ARSG: variants seen among roughly 807,000 people sequenced by gnomAD.
The protein encoded by ARSG is ASG.
In ARSG, 37 loss-of-function variants were observed where a neutral mutation model predicts 50.5. The ratio of observed to expected loss-of-function variants is 0.73; its 90% CI spans 0.56 to 0.96. The LOEUF is 0.96. Among genes scored for constraint, ARSG ranks in the 50% least tolerant of loss-of-function variants. The pLI, the probability that ARSG is intolerant of heterozygous loss-of-function variation, is 0.00. For synonymous variants in ARSG, 225 were observed against 254.6 expected (o/e 0.88, Z 1.11); for missense variants, 629 against 675.3 (o/e 0.93, Z 0.76).
intron 11 of ARSG, among the ~76,000 whole-genome samples, chr17:68,407,909 G>C (rs930683598): frequency 3.9e-5 from 6 of 151,922 alleles, no homozygotes; most frequent in Middle Eastern, 3.4e-3. Context: ...CCAGTAGTAT[G>C]TTGAAGAGGA....
At chr17:68,315,687 C>A (rs1172431964) in intron 2 of ARSG, among the ~76,000 whole-genome samples, 1 of 152,074 alleles carries the variant, frequency 6.6e-6, no homozygotes, top group Non-Finnish European at 1.5e-5. Context: ...GGCTGGAGTG[C>A]AGTGGCGCGA....
At chr17:68,288,622 T>TA (rs2075896913), upstream of ARSG, among the ~76,000 whole-genome samples, 1 of 152,148 alleles carries the variant, frequency 6.6e-6, no homozygotes, top group African/African-American at 2.4e-5. Flanking sequence ...AAGGTAAATG[T>TA]AAAAAAGGGA....
chr17:68,308,452 T>C (rs2076694586), intron 2 of ARSG, among the ~76,000 whole-genome samples: 1 of 152,068 alleles, frequency 6.6e-6, no homozygotes, highest in Admixed American at 6.6e-5. Context: ...CTGGAGTTGT[T>C]CGTTCCTCCC....
intron 1 of ARSG, among the ~76,000 whole-genome samples, chr17:68,278,904 G>A (rs1415550885): frequency 6.6e-6 from 1 of 152,116 alleles, no homozygotes; most frequent in Non-Finnish European, 1.5e-5. Context: ...ATAGGCATGA[G>A]CCACCACACC....
chr17:68,351,627 T>C lies in ARSG; in HGVS notation c.507T>C (p.Asp169=), dbSNP rs201163789. The change falls in exon 5 of 12, where the codon GAT becomes GAC. Residue 169 remains aspartate (D), a synonymous_variant. Transcript: ENST00000621439. The part of the protein sequence containing the change: ...IPYSHDMGCT[D]TPGYNHPPCP... ...ATAGCCATGATATGGGCTGTACTGATACTCCAGGCTACAACCACCCTCCTT... is the reference window on the plus strand; with the variant it reads ...ATAGCCATGATATGGGCTGTACTGACACTCCAGGCTACAACCACCCTCCTT... 6.8e-6 allele frequency: 11 copies of C among 1,613,934 alleles called. No homozygotes were observed. The highest frequency in any genetic ancestry group is 9.3e-6 in the Non-Finnish European group (11 of 1,179,948).
intron 9 of ARSG, among the ~76,000 whole-genome samples, chr17:68,385,947 A>T (rs2080703270): frequency 6.6e-6 from 1 of 152,160 alleles, no homozygotes; most frequent in Admixed American, 6.5e-5. Flanking sequence ...TTAGGGAAAT[A>T]ATGAATCCTT....
intron 2 of ARSG, among the ~76,000 whole-genome samples, chr17:68,326,225 G>A (rs539678201): frequency 2.8e-4 from 42 of 152,298 alleles, no homozygotes; most frequent in Admixed American, 2.3e-3. Flanking sequence ...AGGTGTAGCC[G>A]GGTCAGGGAG....
chr17:68,428,858 T>C, the ARSG span: 1 of 1,613,982 alleles, frequency 6.2e-7, no homozygotes, highest in Non-Finnish European at 8.5e-7. Flanking sequence ...CACACTCTCC[T>C]CCATCCTGAG....
At chr17:68,402,720 T>C (rs576950883) in intron 11 of ARSG, among the ~76,000 whole-genome samples, 1 of 152,148 alleles carries the variant, frequency 6.6e-6, no homozygotes, top group Non-Finnish European at 1.5e-5. Flanking sequence ...AGAGACAGGG[T>C]TTCACCGTGT....
chr17:68,263,776 C>A (rs2075109742), intron 1 of ARSG, among the ~76,000 whole-genome samples: 1 of 152,204 alleles, frequency 6.6e-6, no homozygotes, highest in Non-Finnish European at 1.5e-5. Context: ...AAGACAATGG[C>A]TTCTAAACTC....
chr17:68,451,620 C>T, the ARSG span, among the ~76,000 whole-genome samples: 2 of 152,152 alleles, frequency 1.3e-5, no homozygotes, highest in Admixed American at 6.5e-5. Context: ...ATTTCAAAGG[C>T]GTGACTTCTC....
At chr17:68,347,312 G>A (rs542519817) in intron 4 of ARSG, 140 bp downstream of exon 4, 6 of 976,370 alleles carry the variant, frequency 6.1e-6, no homozygotes, top group East Asian at 2.6e-5. Context: ...TCATTTGAGT[G>A]CATTTGGGGT....
intron 10 of ARSG, 136 bp from the exon 11 acceptor site, chr17:68,401,224 T>A: frequency 1.4e-6 from 1 of 723,900 alleles, no homozygotes; most frequent in Non-Finnish European, 2.4e-6. Flanking sequence ...GGTCTTGCTG[T>A]GTTGCCCAGG....
At chr17:68,400,868 G>C (rs376207806) in intron 10 of ARSG, among the ~76,000 whole-genome samples, 1 of 152,104 alleles carries the variant, frequency 6.6e-6, no homozygotes, top group Admixed American at 6.5e-5. Context: ...CAATTAACCA[G>C]CAAAATAACA....
rs911953675 is a variant in ARSG, at chr17:68,346,885, G to C, written c.407-240G>C. The C allele has an allele frequency of 2.4e-5, 35 of 1,448,526 alleles. No homozygotes were observed. The African/African-American group carries it at 4.5e-4, about 19-fold the overall frequency. The allele number at this position is 1,448,526 out of a possible 1,614,324, so 89.7% of individuals were successfully genotyped here. A position where few individuals can be genotyped will look rare whatever the true frequency, so the allele number is the denominator to read the frequency against. ...TTCTCCGGGCTCCTGGTGATGGGCT[G>C]TCTTCCCCTTTCACTGTGGTTTCCC... On this transcript the variant is annotated intron_variant, in intron 3 of 11. Transcript: ENST00000621439.
chr17:68,294,591 G>A (rs2076140688), intron 1 of ARSG, among the ~76,000 whole-genome samples: 1 of 152,106 alleles, frequency 6.6e-6, no homozygotes, highest in Non-Finnish European at 1.5e-5. Context: ...GGCTTCCATG[G>A]GAGGCTTCGA....
chr17:68,381,053 T>G lies in ARSG; in HGVS notation c.983-4011T>G, dbSNP rs2146952160. On this transcript the variant is annotated intron_variant, in intron 8 of 11. Coordinates refer to ENST00000621439, the MANE Select transcript of ARSG (RefSeq NM_001267727.2). The surrounding 1 kb of genome is among the most constrained non-coding windows in gnomAD (Gnocchi z 4.1). ...CCTGGGAATAGGACCCAGAAATCCA[T>G]GTCTTAGATGAGATCTCATCTGGTG... Among the ~76,000 whole-genome samples, 1 of 152,266 alleles carries G rather than the reference T, an allele frequency of 6.6e-6. No homozygotes were observed. Among genetic ancestry groups the G allele is most frequent in the African/African-American group, 2.4e-5 (1 of 41,560 alleles).
At chr17:68,371,466 C>G (rs1426852569) in intron 8 of ARSG, among the ~76,000 whole-genome samples, 1 of 152,160 alleles carries the variant, frequency 6.6e-6, no homozygotes, top group African/African-American at 2.4e-5. Flanking sequence ...TCACAGCTGC[C>G]TCTGTCTCTA....
chr17:68,364,994 G>C (rs1001196370), intron 6 of ARSG, among the ~76,000 whole-genome samples: 15 of 152,262 alleles, frequency 9.9e-5, no homozygotes, highest in Non-Finnish European at 1.9e-4. Context: ...GCTTACTACT[G>C]CTGGCATGTA....
Sources: allele counts gnomAD v4.1 joint callset (sites outside exome capture counted in the v4.1 genomes callset), GRCh38; gene constraint gnomAD v4.1.1; non-coding constraint Gnocchi (gnomAD v3.1); transcripts MANE v1.5; gene names NCBI Gene and HGNC (gene_info 2026-07-23, HGNC 2026-07-21).